Variants in RARB observed in about 807,000 individuals in gnomAD.
RARB encodes the protein HBV-activated protein.
A neutral mutation model predicts 51.9 loss-of-function variants in RARB; 17 were observed. That is an observed-to-expected ratio of 0.33 (90% CI 0.22 to 0.49). The LOEUF (loss-of-function observed/expected upper bound fraction) is 0.49, where lower values mean the gene tolerates loss of function less well. RARB is among the 20% of genes least tolerant of loss of function. RARB has a pLI of 0.99. For synonymous variants in RARB, 215 were observed against 195.4 expected, an observed-to-expected ratio of 1.10 and a Z score of -0.84; for missense variants, 369 against 550.8, an observed-to-expected ratio of 0.67 and a Z score of 3.30.
At chr3:24,924,101 AT>A (rs921307649) in intron 2 of RARB, among the ~76,000 whole-genome samples, 22 of 151,246 alleles carry the variant, frequency 1.5e-4, no homozygotes, top group African/African-American at 4.4e-4. Context: ...GTCATAAACT[AT>A]TTTTTTTTCT....
intron 5 of RARB, among the ~76,000 whole-genome samples, chr3:25,393,800 CTT>C (rs945286749): frequency 6.6e-6 from 1 of 152,034 alleles, no homozygotes; most frequent in African/African-American, 2.4e-5. Flanking sequence ...GATCTTCTCT[CTT>C]CTTTTCTTGG....
intron 3 of RARB, among the ~76,000 whole-genome samples, chr3:25,117,164 G>A (rs572344756): frequency 1.3e-5 from 2 of 152,270 alleles, no homozygotes; most frequent in African/African-American, 2.4e-5. Flanking sequence ...GGCAGATAGA[G>A]CCCGCGTCCT....
chr3:25,210,741 G>A (rs1414893960), intron 5 of RARB, among the ~76,000 whole-genome samples: 1 of 151,384 alleles, frequency 6.6e-6, no homozygotes, highest in African/African-American at 2.4e-5. Flanking sequence ...CATCACATTG[G>A]CCATGCTGGT....
chr3:25,524,240 TC>T (rs200906998), intron 3 of RARB, among the ~76,000 whole-genome samples: 12,155 of 152,260 alleles, frequency 0.08, 631 homozygotes, highest in African/African-American at 0.15. Flanking sequence ...TCTAATGGAC[TC>T]CAGAAGACGT....
chr3:25,040,242 C>T (rs1259565465), intron 2 of RARB, among the ~76,000 whole-genome samples: 1 of 152,168 alleles, frequency 6.6e-6, no homozygotes, highest in Non-Finnish European at 1.5e-5. Context: ...AGGAGACCTG[C>T]TATTCAGTTT....
At chr3:25,459,244 A>G (rs1055827384) in intron 1 of RARB, among the ~76,000 whole-genome samples, 1 of 152,218 alleles carries the variant, frequency 6.6e-6, no homozygotes, top group African/African-American at 2.4e-5. Context: ...GAAACGAAAA[A>G]CAACCAGATA....
intron 2 of RARB, among the ~76,000 whole-genome samples, chr3:25,008,751 A>T (rs1417490690): frequency 2.6e-5 from 4 of 152,042 alleles, no homozygotes; most frequent in Non-Finnish European, 5.9e-5. Flanking sequence ...CTATCTCCTC[A>T]ACCCTGCCTG....
chr3:25,069,359 T>C (rs1698725133), intron 3 of RARB, among the ~76,000 whole-genome samples: 1 of 152,190 alleles, frequency 6.6e-6, no homozygotes, highest in Non-Finnish European at 1.5e-5. Context: ...ATCACTCAGT[T>C]CCCTGGTGAC....
intron 5 of RARB, among the ~76,000 whole-genome samples, chr3:25,369,282 C>A (rs1706228270): frequency 6.6e-6 from 1 of 152,080 alleles, no homozygotes; most frequent in Non-Finnish European, 1.5e-5. Context: ...AAAGTGTGAG[C>A]CATTAATTCT....
At chr3:25,031,661 C>T (rs1291667632) in intron 2 of RARB, among the ~76,000 whole-genome samples, 1 of 152,182 alleles carries the variant, frequency 6.6e-6, no homozygotes, top group Non-Finnish European at 1.5e-5. Context: ...ATCTAGCAAG[C>T]ACTTGGGGTA....
intron 1 of RARB, among the ~76,000 whole-genome samples, chr3:25,452,219 G>A (rs971288980): frequency 3.9e-5 from 6 of 152,158 alleles, no homozygotes; most frequent in African/African-American, 1.2e-4. Context: ...GATAGAAAAC[G>A]TGTTTAAAAT....
chr3:25,093,868 T>C (rs2125318010), intron 3 of RARB, among the ~76,000 whole-genome samples: 1 of 152,258 alleles, frequency 6.6e-6, no homozygotes, highest in African/African-American at 2.4e-5. Flanking sequence ...AGCCACCCCT[T>C]TCTCTTTGCT....
At chr3:25,280,683 G>A (rs1703501312) in intron 5 of RARB, among the ~76,000 whole-genome samples, 1 of 152,140 alleles carries the variant, frequency 6.6e-6, no homozygotes, top group Non-Finnish European at 1.5e-5. Flanking sequence ...TTAGGATCCA[G>A]GTCCCTCATT....
At chr3:25,384,012 AT>A (rs1648258784) in intron 5 of RARB, among the ~76,000 whole-genome samples, 1 of 152,154 alleles carries the variant, frequency 6.6e-6, no homozygotes, top group South Asian at 2.1e-4. Flanking sequence ...CTGTAAGATC[AT>A]TTTTTAGTTG....
At chr3:24,941,432 C>T (rs760187268) in intron 2 of RARB, among the ~76,000 whole-genome samples, 19 of 151,196 alleles carry the variant, frequency 1.3e-4, no homozygotes, top group Admixed American at 7.9e-4. Context: ...TGCAATGGCA[C>T]GATCTCGGCT....
At chr3:24,891,365 C>G (rs534608839) in intron 2 of RARB, among the ~76,000 whole-genome samples, 5 of 152,192 alleles carry the variant, frequency 3.3e-5, no homozygotes, top group Admixed American at 2.6e-4. Flanking sequence ...TACTAAGAAG[C>G]CTCGGGAAAG....
Position 25,446,647 on chromosome 3 carries a change from C to T in RARB, c.158-14546C>T, listed in dbSNP as rs924706777. Among the ~76,000 whole-genome samples, 7 of 151,252 alleles carry T rather than the reference C, an allele frequency of 4.6e-5. No individual in the cohort carries two copies. The East Asian group carries it at 7.8e-4, about 17-fold the overall frequency. ...TGAAACCCCATCTCTACTAAAAATA[C>T]AAAAAATTAGCCGGGCGTGGTGGCA... On this transcript the variant is annotated intron_variant, in intron 1 of 7. Coordinates refer to ENST00000330688, the MANE Select transcript of RARB (RefSeq NM_000965.5).
rs138432932 is a variant in RARB, at chr3:25,499,526, G to A, written c.307-1656G>A. ...TAGAAACGGGGAAGACAAAGAGGAA[G>A]TTGGGGACCCTTTCTTCTGGAGCCT... is the stretch of plus-strand genomic sequence containing the variant. On this transcript the variant is annotated intron_variant, in intron 2 of 7. Transcript: ENST00000330688. Among the ~76,000 whole-genome samples the A allele has an allele frequency of 9.2e-4, 140 of 152,340 alleles. 1 individual carries two copies. Among genetic ancestry groups the A allele is most frequent in the African/African-American group, 3.2e-3 (131 of 41,580 alleles).
chr3:25,221,658 A>G (rs1015270446), intron 5 of RARB, among the ~76,000 whole-genome samples: 5 of 152,186 alleles, frequency 3.3e-5, no homozygotes, highest in African/African-American at 1.2e-4. Context: ...GCAGTCTTAA[A>G]GAGAAGTCAC....
Sources: gnomAD v4.1 joint callset for allele counts (sites outside exome capture counted in the v4.1 genomes callset) on GRCh38, gnomAD v4.1.1 for gene constraint, MANE v1.5 for transcripts, NCBI Gene and HGNC (gene_info 2026-07-23, HGNC 2026-07-21) for gene names.